The following ERICH6 variants were observed in gnomAD, a reference collection of about 807,000 sequenced individuals.
The protein encoded by ERICH6 is glutamate-rich protein 6.
Under a neutral mutation model 71.0 loss-of-function variants are expected in ERICH6, and 71 were observed. The ratio of observed to expected loss-of-function variants is 1.00; its 90% CI spans 0.83 to 1.22. ERICH6 has a LOEUF of 1.22. Ranked by LOEUF, ERICH6 falls within the 50% of genes most tolerant of loss-of-function variation. ERICH6 has a pLI of 0.00. For missense variants in ERICH6, 808 were observed against 797.2 expected (o/e 1.01, Z -0.16); for synonymous variants, 262 against 278.4 (o/e 0.94, Z 0.59).
At chr3:150,677,619 C>G (rs534629166) in intron 10 of ERICH6, among the ~76,000 whole-genome samples, 40 of 152,112 alleles carry the variant, frequency 2.6e-4, no homozygotes, top group African/African-American at 8.9e-4. Context: ...CCTCAGCCCC[C>G]CCAAGTGGCT....
chr3:150,680,229 A>G (rs1711845836), intron 9 of ERICH6, among the ~76,000 whole-genome samples: 1 of 152,154 alleles, frequency 6.6e-6, no homozygotes, highest in Non-Finnish European at 1.5e-5. Context: ...TTTCAATACT[A>G]CTACTTATTA....
At position 150,682,075 on chromosome 3, in the gene ERICH6, G is replaced by A. The variant is rs1002877213; in HGVS notation, c.882+143C>T. On this transcript the variant is annotated intron_variant, in intron 7 of 13. Transcript: ENST00000295910. ...GGCAATCCACCCACCTCGGCCTCCCGAAGTGCTAGGATTACAGGTGTGAGC... is the reference window on the plus strand; with the variant it reads ...GGCAATCCACCCACCTCGGCCTCCCAAAGTGCTAGGATTACAGGTGTGAGC... 1.2e-4 allele frequency: 84 copies of A among 686,278 alleles called. No individual in the cohort carries two copies. In the Middle Eastern group the frequency reaches 2.8e-3, roughly 23 times the overall value. The allele number at this position is 686,278 out of a possible 1,614,324, so 42.5% of individuals were successfully genotyped here.
chr3:150,700,758 A>G (rs1274131233), intron 2 of ERICH6, among the ~76,000 whole-genome samples: 2 of 151,840 alleles, frequency 1.3e-5, no homozygotes, highest in Non-Finnish European at 1.5e-5. Flanking sequence ...TAATTTTTGT[A>G]TTTTTAGTAG....
chr3:150,685,758 A>G lies in ERICH6; in HGVS notation c.767T>C (p.Leu256Ser). The change falls in exon 6 of 14, where the codon TTA becomes TCA. Residue 256 changes from leucine to serine, a missense_variant. Coordinates refer to ENST00000295910, the MANE Select transcript of ERICH6 (RefSeq NM_152394.5). ...ILAYKEESSN[L>S]GINFKDEEEE... is the part of the protein sequence containing the mutation. ...TAAAGTCACCTTGAAGTTAATGCCT[A>G]AATTGGAGCTCTCTTCTTTGTATGC... 1 of 1,612,808 alleles carries G rather than the reference A, an allele frequency of 6.2e-7. No individual in the cohort carries two copies.
At chr3:150,678,812 G>A (rs1016559802) in intron 9 of ERICH6, among the ~76,000 whole-genome samples, 8 of 152,000 alleles carry the variant, frequency 5.3e-5, no homozygotes, top group Admixed American at 1.3e-4. Context: ...AGGTCGAGGC[G>A]GGTGGATTAC....
In ERICH6 at chr3:150,703,804, T is replaced by A. The variant is rs1235410646; in HGVS notation, c.95A>T (p.Glu32Val). 3 of 1,563,002 alleles carry A rather than the reference T, an allele frequency of 1.9e-6. No homozygotes were observed. The highest frequency in any genetic ancestry group is 3.5e-5 in the Admixed American group (2 of 57,238). ...EEELEEEEEE[E>V]EVEEEEEEVE... ...CTCTTCCTCCTCCTCCTCCACCTCTTCCTCCTCCTCCTCCTCCTCTAACTC... is the reference window on the plus strand; with the variant it reads ...CTCTTCCTCCTCCTCCTCCACCTCTACCTCCTCCTCCTCCTCCTCTAACTC... The change falls in exon 1 of 14, where the codon GAA (glutamate) becomes GTA (valine). Residue 32 changes from glutamate to valine, a missense_variant. Glu to Val is a moderately radical substitution (Grantham distance 121). This residue lies in a region of ERICH6 where 53 missense variants were observed against 40.6 expected (regional missense o/e 1.30). Transcript: ENST00000295910.
chr3:150,663,548 G>GC (rs56981345), intron 13 of ERICH6, among the ~76,000 whole-genome samples: 50,978 of 151,732 alleles, frequency 0.34, 9,071 homozygotes, highest in East Asian at 0.56. Flanking sequence ...TGAACCCCCT[G>GC]CCCCCACCCC....
At chr3:150,662,631 A>C in intron 13 of ERICH6, among the ~76,000 whole-genome samples, 1 of 152,188 alleles carries the variant, frequency 6.6e-6, no homozygotes, top group East Asian at 1.9e-4. Flanking sequence ...AAATCTTTCT[A>C]TCTATTTGAA....
At chr3:150,701,247 G>T (rs2108082266) in intron 2 of ERICH6, among the ~76,000 whole-genome samples, 1 of 152,264 alleles carries the variant, frequency 6.6e-6, no homozygotes, top group Non-Finnish European at 1.5e-5. Context: ...GAATCAAGAA[G>T]TAGAGGTTTA....
intron 10 of ERICH6, among the ~76,000 whole-genome samples, chr3:150,677,619 C>T (rs534629166): frequency 6.6e-6 from 1 of 151,994 alleles, no homozygotes; most frequent in Admixed American, 6.6e-5. Flanking sequence ...CCTCAGCCCC[C>T]CCAAGTGGCT....
intron 3 of ERICH6, among the ~76,000 whole-genome samples, chr3:150,689,854 T>C (rs779119459): frequency 1.3e-5 from 2 of 152,166 alleles, no homozygotes; most frequent in African/African-American, 4.8e-5. Flanking sequence ...TTTTTCCTTA[T>C]GGGAACTCCA....
intron 10 of ERICH6, 135 bp from the exon 11 acceptor site, chr3:150,674,176 C>T: frequency 4.8e-6 from 3 of 629,540 alleles, no homozygotes; most frequent in Non-Finnish European, 8.2e-6. Context: ...CCTGCTTCAA[C>T]AACAGGAGAC....
intron 11 of ERICH6, among the ~76,000 whole-genome samples, chr3:150,672,008 T>C (rs1352989210): frequency 2.0e-5 from 3 of 152,070 alleles, no homozygotes; most frequent in Non-Finnish European, 4.4e-5. Flanking sequence ...TATTTAGCTG[T>C]TGTGTATAAT....
At chr3:150,690,757 A>G (rs1712402119) in intron 3 of ERICH6, among the ~76,000 whole-genome samples, 1 of 152,232 alleles carries the variant, frequency 6.6e-6, no homozygotes, top group East Asian at 1.9e-4. Flanking sequence ...TCCCTGCCAA[A>G]TATGATAAGA....
Position 150,678,454 on chromosome 3 carries a change from A to G in ERICH6, c.1212T>C (p.Ser404=), listed in dbSNP as rs764867406. 3 of 1,603,634 alleles carry G rather than the reference A, an allele frequency of 1.9e-6. No individual in the cohort carries two copies. The highest frequency in any genetic ancestry group is 2.5e-6 in the Non-Finnish European group (3 of 1,177,236). Residue 404 remains serine, a synonymous_variant, in exon 10 of 14, where the codon AGT becomes AGC. Coordinates refer to ENST00000295910, the MANE Select transcript of ERICH6 (RefSeq NM_152394.5). ...DIVFDFQLRN[S]NMSIICCDSR... ...AATCACAACAAATGATAGACATGTT[A>G]CTGTTTCTTAGTTGAAAATCAAATA...
intron 12 of ERICH6, among the ~76,000 whole-genome samples, chr3:150,668,358 C>T (rs1012362310): frequency 1.7e-4 from 26 of 152,100 alleles, no homozygotes; most frequent in African/African-American, 5.6e-4. Flanking sequence ...CAGGGTGCCT[C>T]GGAGTTCAGT....
In ERICH6 at chr3:150,660,016, T is replaced by C. The variant is rs1727150608; in HGVS notation, c.1868A>G (p.Glu623Gly). 6.2e-7 allele frequency: 1 copy of C among 1,614,204 alleles called. No individual in the cohort carries two copies. ...AAGGTAGGAAGGTTGCTTTAATTTTTCCCAAACCTGGCTTGAGGGAAAATT... is the reference window on the plus strand; with the variant it reads ...AAGGTAGGAAGGTTGCTTTAATTTTCCCCAAACCTGGCTTGAGGGAAAATT... ...CVNFPSSQVWEKLKQPSYLSS... is the reference protein window; with the variant it reads ...CVNFPSSQVWGKLKQPSYLSS... The change falls in exon 14 of 14, where the codon GAA (glutamate) becomes GGA (glycine). Residue 623 changes from glutamate to glycine, a missense_variant. Coordinates refer to ENST00000295910, the MANE Select transcript of ERICH6 (RefSeq NM_152394.5).
intron 3 of ERICH6, among the ~76,000 whole-genome samples, chr3:150,698,309 T>C (rs1712728437): frequency 6.6e-6 from 1 of 152,144 alleles, no homozygotes; most frequent in Non-Finnish European, 1.5e-5. Context: ...GTTAGGTGCT[T>C]GGCAAATGGT....
intron 2 of ERICH6, 37 bp from the exon 3 acceptor site, chr3:150,698,919 A>G: frequency 1.4e-6 from 2 of 1,382,636 alleles, no homozygotes; most frequent in Admixed American, 1.7e-5. Context: ...GTATACCTAT[A>G]TAGTTGTTAG....
Sources: allele counts gnomAD v4.1 joint callset (sites outside exome capture counted in the v4.1 genomes callset), GRCh38; gene constraint gnomAD v4.1.1; regional missense constraint gnomAD v4.1.1; transcripts MANE v1.5; gene names NCBI Gene and HGNC (gene_info 2026-07-23, HGNC 2026-07-21).